WWOX: variants seen among roughly 807,000 people sequenced by gnomAD.
The protein encoded by WWOX is WW domain containing oxidoreductase.
In WWOX, 69 loss-of-function variants were observed where a neutral mutation model predicts 46.2. The ratio of observed to expected loss-of-function variants is 1.49; its 90% CI spans 1.23 to 1.82. The LOEUF is 1.82. Ranked by LOEUF, WWOX falls within the 40% of genes most tolerant of loss-of-function variation. The pLI, the probability that WWOX is intolerant of heterozygous loss-of-function variation, is 0.00. For missense variants in WWOX, 919 were observed against 542.6 expected (o/e 1.69, Z -6.89); for synonymous variants, 359 against 202.6 (o/e 1.77, Z -6.56).
intron 8 of WWOX, among the ~76,000 whole-genome samples, chr16:78,914,185 TTC>T (rs2045186010): frequency 6.6e-6 from 1 of 152,082 alleles, no homozygotes; most frequent in African/African-American, 2.4e-5. Context: ...TCTATTTTAT[TTC>T]TCTGTCTAGC....
chr16:78,144,431 A>ATATATATATATACACG (rs2034096946), intron 4 of WWOX, among the ~76,000 whole-genome samples: 1 of 14,580 alleles, frequency 6.9e-5, no homozygotes, highest in African/African-American at 4.6e-4. Flanking sequence ...TGCCATTACT[A>ATATATATATATACACG]TATATATATA....
intron 8 of WWOX, among the ~76,000 whole-genome samples, chr16:78,919,802 A>G (rs1374546949): frequency 1.3e-5 from 2 of 152,108 alleles, no homozygotes; most frequent in East Asian, 3.9e-4. Flanking sequence ...GGCATGAGCC[A>G]CTGCACCTGA....
chr16:78,862,256 G>C lies in WWOX; in HGVS notation c.1057-349352G>C, dbSNP rs903675770. ...TCTATACACACCTATGGGTGTGTCT[G>C]TCTGTACCTATACACACCTATGGGT... On this transcript the variant is annotated intron_variant, in intron 8 of 8. Transcript: ENST00000566780. Among the ~76,000 whole-genome samples the C allele has an allele frequency of 2.2e-5, 3 of 139,290 alleles. No homozygotes were observed. The Admixed American group carries it at 2.2e-4, about 10-fold the overall frequency. The allele number at this position is 139,290 out of a possible 152,430, so 91.4% of individuals were successfully genotyped here.
chr16:78,505,241 T>G (rs1163603879), intron 8 of WWOX, among the ~76,000 whole-genome samples: 1 of 152,106 alleles, frequency 6.6e-6, no homozygotes, highest in East Asian at 1.9e-4. Flanking sequence ...ATGCCTGGAG[T>G]GAGAAAACAG....
chr16:78,881,285 T>G (rs1048246312), intron 8 of WWOX, among the ~76,000 whole-genome samples: 1 of 152,192 alleles, frequency 6.6e-6, no homozygotes, highest in East Asian at 1.9e-4. Flanking sequence ...GTTACAGGCA[T>G]GAGCCACTGT....
At chr16:78,661,677 A>C in intron 8 of WWOX, among the ~76,000 whole-genome samples, 1 of 151,392 alleles carries the variant, frequency 6.6e-6, no homozygotes. Context: ...TGTGCATGGA[A>C]TGGGGGGAAA....
At chr16:78,706,058 GTTT>G (rs3051058) in intron 8 of WWOX, among the ~76,000 whole-genome samples, 32 of 106,424 alleles carry the variant, frequency 3.0e-4, no homozygotes, top group Non-Finnish European at 4.2e-4. Flanking sequence ...GTTATGGCAG[GTTT>G]TTTTTTTTTT....
At chr16:78,894,620 G>C (rs73581209) in intron 8 of WWOX, among the ~76,000 whole-genome samples, 1 of 152,024 alleles carries the variant, frequency 6.6e-6, no homozygotes, top group Non-Finnish European at 1.5e-5. Context: ...TTAATGTGTC[G>C]AGGGAGCAAG....
At chr16:78,242,696 G>A (rs2037694327) in intron 5 of WWOX, among the ~76,000 whole-genome samples, 1 of 152,148 alleles carries the variant, frequency 6.6e-6, no homozygotes, top group Non-Finnish European at 1.5e-5. Flanking sequence ...GGAGAGAGCG[G>A]AAGCAGAAAG....
chr16:78,295,311 G>A (rs1449671821), intron 5 of WWOX, among the ~76,000 whole-genome samples: 1 of 152,144 alleles, frequency 6.6e-6, no homozygotes, highest in African/African-American at 2.4e-5. Flanking sequence ...ACAGCAGTTG[G>A]CGAGTTTAAG....
intron 8 of WWOX, among the ~76,000 whole-genome samples, chr16:78,686,686 TC>T (rs1187336951): frequency 6.6e-6 from 1 of 152,158 alleles, no homozygotes; most frequent in African/African-American, 2.4e-5. Flanking sequence ...AGGACATTTT[TC>T]CGGGAATCCA....
intron 8 of WWOX, among the ~76,000 whole-genome samples, chr16:79,048,875 A>C (rs2048114303): frequency 6.6e-6 from 1 of 152,058 alleles, no homozygotes; most frequent in Non-Finnish European, 1.5e-5. Context: ...GCACATCTCT[A>C]CCACCATCCC....
intron 8 of WWOX, among the ~76,000 whole-genome samples, chr16:78,454,320 T>C (rs931873542): frequency 6.6e-6 from 1 of 151,778 alleles, no homozygotes; most frequent in Non-Finnish European, 1.5e-5. Flanking sequence ...CTAAGTTTTT[T>C]CTGTTAAAAC....
chr16:78,775,926 G>T (rs573875564), intron 8 of WWOX, among the ~76,000 whole-genome samples: 3 of 152,272 alleles, frequency 2.0e-5, no homozygotes, highest in African/African-American at 4.8e-5. Flanking sequence ...GACAAGGTCA[G>T]TCAGTGGCCA....
At chr16:78,513,136 C>G (rs376790190) in intron 8 of WWOX, among the ~76,000 whole-genome samples, 3 of 152,202 alleles carry the variant, frequency 2.0e-5, no homozygotes, top group East Asian at 3.9e-4. Context: ...TTGGTCATGG[C>G]CCATTGAATT....
intron 5 of WWOX, 56 bp downstream of exon 5, chr16:78,164,345 A>G: frequency 6.7e-7 from 1 of 1,495,168 alleles, no homozygotes; most frequent in Non-Finnish European, 9.3e-7. Context: ...TGCCGGGCTA[A>G]CCATATGGAG....
intron 8 of WWOX, among the ~76,000 whole-genome samples, chr16:78,854,349 A>T (rs1125814): frequency 6.6e-6 from 1 of 152,082 alleles, no homozygotes; most frequent in South Asian, 2.1e-4. Flanking sequence ...AGCAAAATGA[A>T]ACCTTTAAGT....
intron 8 of WWOX, among the ~76,000 whole-genome samples, chr16:79,083,741 C>G (rs1377704175): frequency 6.6e-6 from 1 of 152,178 alleles, no homozygotes; most frequent in African/African-American, 2.4e-5. Flanking sequence ...AAAGTTTTCA[C>G]TAAGGCACAA....
At chr16:78,217,184 G>A (rs554286818) in intron 5 of WWOX, among the ~76,000 whole-genome samples, 1 of 152,284 alleles carries the variant, frequency 6.6e-6, no homozygotes, top group South Asian at 2.1e-4. Context: ...CAACGTGAGA[G>A]CCCATTGCCC....
Sources: gnomAD v4.1 joint callset for allele counts (sites outside exome capture counted in the v4.1 genomes callset) on GRCh38, gnomAD v4.1.1 for gene constraint, MANE v1.5 for transcripts, NCBI Gene and HGNC (gene_info 2026-07-23, HGNC 2026-07-21) for gene names.